TSHZ2: variants seen among roughly 807,000 people sequenced by gnomAD.
The protein encoded by TSHZ2 is teashirt homolog 2.
A neutral mutation model predicts 74.4 loss-of-function variants in TSHZ2; 21 were observed. That is an observed-to-expected ratio of 0.28 (90% CI 0.20 to 0.41). The LOEUF is 0.41. Among genes scored for constraint, TSHZ2 ranks in the 10% least tolerant of loss-of-function variants. The probability of loss-of-function intolerance (pLI) is 1.00; values close to 1 mark genes in which losing one functional copy is unlikely to be tolerated. For synonymous variants in TSHZ2, 540 were observed against 515.3 expected (o/e 1.05, Z -0.65); for missense variants, 1,244 against 1,293.5 (o/e 0.96, Z 0.59).
chr20:53,283,686 G>A (rs192035671), intron 2 of TSHZ2, among the ~76,000 whole-genome samples: 1 of 152,288 alleles, frequency 6.6e-6, no homozygotes, highest in East Asian at 1.9e-4. Context: ...TCAAGCTTCC[G>A]TGCTCTGGGA....
At chr20:53,001,628 GC>G (rs1020499137) in intron 1 of TSHZ2, among the ~76,000 whole-genome samples, 8 of 152,162 alleles carry the variant, frequency 5.3e-5, no homozygotes, top group Non-Finnish European at 1.0e-4. Flanking sequence ...TGACAGGGGA[GC>G]TAAACTCTGC....
chr20:53,326,235 C>A (rs1349014895), intron 2 of TSHZ2, among the ~76,000 whole-genome samples: 1 of 152,224 alleles, frequency 6.6e-6, no homozygotes, highest in African/African-American at 2.4e-5. Flanking sequence ...GGAACAATGA[C>A]TTTTGTCGGA....
chr20:53,163,886 T>C (rs909617582), intron 1 of TSHZ2, among the ~76,000 whole-genome samples: 4 of 152,256 alleles, frequency 2.6e-5, no homozygotes, highest in South Asian at 4.1e-4. Context: ...TTTTGAATAA[T>C]ATGTTACACA....
intron 1 of TSHZ2, among the ~76,000 whole-genome samples, chr20:53,037,902 C>A (rs528369546): frequency 1.3e-5 from 2 of 152,072 alleles, no homozygotes; most frequent in South Asian, 2.1e-4. Context: ...CAGAGCAGGG[C>A]GAGTCTGCCA....
intron 2 of TSHZ2, among the ~76,000 whole-genome samples, chr20:53,413,250 G>A (rs553863035): frequency 6.6e-6 from 1 of 152,346 alleles, no homozygotes; most frequent in South Asian, 2.1e-4. Flanking sequence ...GCGCGGAAGT[G>A]AGGGGGAAGG....
At chr20:53,209,416 C>A (rs553095877) in intron 1 of TSHZ2, among the ~76,000 whole-genome samples, 1 of 152,328 alleles carries the variant, frequency 6.6e-6, no homozygotes, top group East Asian at 1.9e-4. Context: ...ACACCCAGTT[C>A]TCCTCCCAGT....
chr20:53,017,270 C>T (rs1351500929), intron 1 of TSHZ2, among the ~76,000 whole-genome samples: 1 of 152,140 alleles, frequency 6.6e-6, no homozygotes, highest in Non-Finnish European at 1.5e-5. Flanking sequence ...CACCTAGTAA[C>T]TTACAGAGCT....
chr20:53,254,771 G>C lies in TSHZ2; in HGVS notation c.1313G>C (p.Ser438Thr). The C allele has an allele frequency of 6.2e-7, 1 of 1,613,386 alleles. No homozygotes were observed. Among genetic ancestry groups the C allele is most frequent in the Non-Finnish European group, 8.5e-7 (1 of 1,179,498 alleles). The change falls in exon 2 of 3, where the codon AGT (serine) becomes ACT (threonine). Residue 438 changes from serine to threonine, a missense_variant. Ser to Thr is a moderately conservative substitution (Grantham distance 58). This residue lies in a region of TSHZ2 where 562 missense variants were observed against 544.0 expected (regional missense o/e 1.03). Coordinates refer to ENST00000371497, the MANE Select transcript of TSHZ2 (RefSeq NM_173485.6). ...KMQSLSEAPNSDSLAPKPSSN... is the reference protein window; with the variant it reads ...KMQSLSEAPNTDSLAPKPSSN... ...CAGTCGTTGTCTGAGGCCCCAAACA[G>C]TGATTCTCTGGCTCCCAAGCCATCC...
chr20:53,225,337 T>C (rs1339070769), intron 1 of TSHZ2, among the ~76,000 whole-genome samples: 3 of 152,262 alleles, frequency 2.0e-5, no homozygotes, highest in African/African-American at 7.2e-5. Context: ...AATTGTGTAC[T>C]TCTATTGACG....
chr20:53,389,688 C>T (rs1214456558), intron 2 of TSHZ2, among the ~76,000 whole-genome samples: 1 of 152,182 alleles, frequency 6.6e-6, no homozygotes, highest in Non-Finnish European at 1.5e-5. Flanking sequence ...TTGAGATCTC[C>T]AGACCTGTGG....
At chr20:53,440,874 T>A (rs1414780224) in intron 2 of TSHZ2, among the ~76,000 whole-genome samples, 1 of 152,232 alleles carries the variant, frequency 6.6e-6, no homozygotes, top group Non-Finnish European at 1.5e-5. Context: ...GACCAGCAAG[T>A]GCAAAGGCCC....
intron 1 of TSHZ2, among the ~76,000 whole-genome samples, chr20:53,090,121 G>A (rs767286698): frequency 3.3e-5 from 5 of 152,234 alleles, no homozygotes; most frequent in Non-Finnish European, 5.9e-5. Flanking sequence ...GGAGTCTGAT[G>A]TTTGAGAGCA....
At chr20:53,038,723 G>A (rs1001711588) in intron 1 of TSHZ2, among the ~76,000 whole-genome samples, 4 of 152,076 alleles carry the variant, frequency 2.6e-5, no homozygotes, top group Admixed American at 2.6e-4. Flanking sequence ...ACCTGTACCA[G>A]GTGTGAATAA....
At chr20:53,150,274 G>C (rs1279789439) in intron 1 of TSHZ2, among the ~76,000 whole-genome samples, 4 of 152,196 alleles carry the variant, frequency 2.6e-5, no homozygotes, top group Non-Finnish European at 4.4e-5. Context: ...GATGAACACA[G>C]TGGGGAGGCC....
At chr20:53,063,442 T>C (rs967617251) in intron 1 of TSHZ2, among the ~76,000 whole-genome samples, 3 of 152,188 alleles carry the variant, frequency 2.0e-5, no homozygotes, top group African/African-American at 7.2e-5. Flanking sequence ...ATGCATAAAA[T>C]GATTCATAAT....
intron 1 of TSHZ2, among the ~76,000 whole-genome samples, chr20:53,229,170 G>T (rs903086851): frequency 6.6e-6 from 1 of 152,140 alleles, no homozygotes; most frequent in Non-Finnish European, 1.5e-5. Context: ...GCATCGATTG[G>T]CTATGAAAGC....
In TSHZ2 at chr20:53,433,456, G is replaced by A. The variant is rs544973193; in HGVS notation, c.*9-53688G>A. On this transcript the variant is annotated intron_variant, in intron 2 of 2. Coordinates refer to ENST00000371497, the MANE Select transcript of TSHZ2 (RefSeq NM_173485.6). ...AGAAGGCTGAGGCTGGTGGAGGATCGCTTGAGCCTAGGAGTTTAAGGCTGC... is the reference window on the plus strand; with the variant it reads ...AGAAGGCTGAGGCTGGTGGAGGATCACTTGAGCCTAGGAGTTTAAGGCTGC... 4.6e-5 allele frequency among the ~76,000 whole-genome samples: 7 copies of A among 151,844 alleles called. No homozygotes were observed. In the East Asian group the frequency reaches 7.7e-4, roughly 17 times the overall value.
At chr20:53,336,390 T>C (rs140066928) in intron 2 of TSHZ2, among the ~76,000 whole-genome samples, 141 of 152,336 alleles carry the variant, frequency 9.3e-4, no homozygotes, top group African/African-American at 3.1e-3. Context: ...GTAGCTAGTA[T>C]ATTTTATTAA....
chr20:53,414,886 A>G lies in TSHZ2; in HGVS notation c.*9-72258A>G, dbSNP rs114226831. Among the ~76,000 whole-genome samples the G allele has an allele frequency of 5.0e-3, 759 of 152,254 alleles. 4 individuals are homozygous for G. Among genetic ancestry groups the G allele is most frequent in the African/African-American group, 0.017 (726 of 41,536 alleles). ...GCCTTCCAGCCACGTGACCTAAGAT[A>G]AGCCATGTCACTGTCTGCACCTCAT... On this transcript the variant is annotated intron_variant, in intron 2 of 2. Transcript: ENST00000371497.
Sources: allele counts gnomAD v4.1 joint callset (sites outside exome capture counted in the v4.1 genomes callset), GRCh38; gene constraint gnomAD v4.1.1; regional missense constraint gnomAD v4.1.1; transcripts MANE v1.5; gene names NCBI Gene and HGNC (gene_info 2026-07-23, HGNC 2026-07-21).